HDAC3: variants seen among roughly 807,000 people sequenced by gnomAD.
HDAC3 encodes histone deacetylase 3.
HDAC3 carries 21 observed loss-of-function variants against 62.3 expected under a neutral mutation model. The observed-to-expected ratio is 0.34, with a 90% CI of 0.24 to 0.49. The LOEUF (loss-of-function observed/expected upper bound fraction) is 0.49, where lower values mean the gene tolerates loss of function less well. Among genes scored for constraint, HDAC3 ranks in the 20% least tolerant of loss-of-function variants. The pLI is 0.99. For synonymous variants in HDAC3, 198 were observed against 206.5 expected (o/e 0.96, Z 0.35); for missense variants, 270 against 556.9 (o/e 0.48, Z 5.19).
At chr5:141,622,345 C>A (rs2099903824) in intron 14 of HDAC3, among the ~76,000 whole-genome samples, 1 of 152,202 alleles carries the variant, frequency 6.6e-6, no homozygotes, top group South Asian at 2.1e-4. Flanking sequence ...GTAGCTCACA[C>A]CTGTAATCCC....
chr5:141,633,650 A>G (rs572013722), intron 3 of HDAC3, among the ~76,000 whole-genome samples: 1 of 152,022 alleles, frequency 6.6e-6, no homozygotes, highest in South Asian at 2.1e-4. Context: ...ACATAGTGAA[A>G]CCCCATCTCT....
rs754703910 is a variant in HDAC3 at position 141,636,822 on chromosome 5, C to T, written c.-32G>A. 1.4e-6 allele frequency: 2 copies of T among 1,480,788 alleles called. No individual in the cohort carries two copies. Among genetic ancestry groups the T allele is most frequent in the African/African-American group, 1.5e-5 (1 of 68,192 alleles). The allele number at this position is 1,480,788 out of a possible 1,614,324, so 91.7% of individuals were successfully genotyped here. A position where few individuals can be genotyped will look rare whatever the true frequency, so the allele number is the denominator to read the frequency against. On this transcript the variant is annotated 5_prime_UTR_variant, in exon 1 of 15. Transcript: ENST00000305264. ...GGCGGGAGCAGGCCCCGCACCTCCG[C>T]CGCCCGCCGCCCGCGGCCGCCGCCA...
chr5:141,632,117 G>A (rs980563525), intron 3 of HDAC3, among the ~76,000 whole-genome samples: 72 of 152,170 alleles, frequency 4.7e-4, no homozygotes, highest in African/African-American at 1.7e-3. Context: ...TCCAACTCCC[G>A]GGTTCAAGCA....
intron 10 of HDAC3, among the ~76,000 whole-genome samples, chr5:141,627,500 C>T (rs1209480720): frequency 2.6e-5 from 4 of 152,160 alleles, no homozygotes; most frequent in South Asian, 2.1e-4. Flanking sequence ...AAAAACTTTC[C>T]GAAACCATGC....
At chr5:141,624,396 A>G (rs1244204532) in intron 14 of HDAC3, among the ~76,000 whole-genome samples, 1 of 143,886 alleles carries the variant, frequency 6.9e-6, no homozygotes, top group African/African-American at 2.6e-5. Context: ...AAAAAAAAAA[A>G]AAAAAAAAAA....
chr5:141,630,501 T>A (rs947276513), intron 3 of HDAC3, among the ~76,000 whole-genome samples: 1 of 152,218 alleles, frequency 6.6e-6, no homozygotes, highest in African/African-American at 2.4e-5. Context: ...TTCAATAATA[T>A]TTTTCAGTCA....
At chr5:141,622,137 C>T (rs1183568873) in intron 14 of HDAC3, among the ~76,000 whole-genome samples, 1 of 152,170 alleles carries the variant, frequency 6.6e-6, no homozygotes, top group African/African-American at 2.4e-5. Context: ...GGCTAGCATG[C>T]AGGACCTTTT....
chr5:141,635,587 G>A (rs921914123), intron 2 of HDAC3, among the ~76,000 whole-genome samples: 3 of 152,202 alleles, frequency 2.0e-5, no homozygotes, highest in Non-Finnish European at 4.4e-5. Flanking sequence ...AGTTTCCCTA[G>A]CAACACATAA....
Position 141,629,403 on chromosome 5 carries a change from G to T in HDAC3, c.477-97C>A. The T allele has an allele frequency of 6.5e-7, 1 of 1,534,996 alleles. No homozygotes were observed. Among genetic ancestry groups the T allele is most frequent in the Non-Finnish European group, 8.9e-7 (1 of 1,120,680 alleles). The stretch of plus-strand genomic sequence containing the variant: ...CTCGAATTGTGAAGAGTCTGCTTCT[G>T]CCCTGGTCACCTGAAACTTAATGTC... On this transcript the variant is annotated intron_variant, in intron 6 of 14. Coordinates refer to ENST00000305264, the MANE Select transcript of HDAC3 (RefSeq NM_003883.4). This position sits in a 1 kb window ranked among gnomAD's most constrained non-coding sequence, Gnocchi z 5.3.
Position 141,625,342 on chromosome 5 carries a change from T to C in HDAC3, c.1083A>G (p.Thr361=). 2 of 1,614,160 alleles carry C rather than the reference T, an allele frequency of 1.2e-6. No individual in the cohort carries two copies. Among genetic ancestry groups the C allele is most frequent in the Non-Finnish European group, 1.7e-6 (2 of 1,180,032 alleles). Residue 361 remains threonine (T), a synonymous_variant, in exon 14 of 15, where the codon ACA becomes ACG. Transcript: ENST00000305264. The surrounding 1 kb of genome is among the most constrained non-coding windows in gnomAD (Gnocchi z 4.0). Reference sequence around the variant, plus strand: ...TCAGCATCTTCAGGTTTTCAAAGATTGTCTGGCGGATCTGGTCCAGATACT... The same window carrying C: ...TCAGCATCTTCAGGTTTTCAAAGATCGTCTGGCGGATCTGGTCCAGATACT... ...SRQYLDQIRQ[T]IFENLKMLNH... is the part of the protein sequence containing the mutation.
chr5:141,622,467 G>A (rs530455772), intron 14 of HDAC3, among the ~76,000 whole-genome samples: 2 of 152,124 alleles, frequency 1.3e-5, no homozygotes, highest in Non-Finnish European at 2.9e-5. Context: ...AGCCGGGTGT[G>A]GTGGCACATG....
intron 1 of HDAC3, 51 bp downstream of exon 1, chr5:141,636,685 G>A (rs765595159): frequency 1.9e-6 from 3 of 1,612,340 alleles, no homozygotes; most frequent in Non-Finnish European, 2.5e-6. Flanking sequence ...TTGCAACCCC[G>A]CCTCAAAACC....
chr5:141,634,149 G>GT (rs982596906), intron 3 of HDAC3, among the ~76,000 whole-genome samples: 5 of 151,684 alleles, frequency 3.3e-5, no homozygotes, highest in African/African-American at 4.8e-5. Flanking sequence ...TGTTTTTTTT[G>GT]TTTTTTTAAC....
chr5:141,631,058 A>G (rs899258402), intron 3 of HDAC3, among the ~76,000 whole-genome samples: 2 of 152,134 alleles, frequency 1.3e-5, no homozygotes, highest in Admixed American at 1.3e-4. Flanking sequence ...TACTGTATGC[A>G]AGTTATACCT....
At position 141,625,578 on chromosome 5, in the gene HDAC3, G is replaced by T; in HGVS notation, c.1059+107C>A. 1 of 1,216,298 alleles carries T rather than the reference G, an allele frequency of 8.2e-7. No homozygotes were observed. Among genetic ancestry groups the T allele is most frequent in the Non-Finnish European group, 1.2e-6 (1 of 827,676 alleles). The allele number at this position is 1,216,298 out of a possible 1,614,324, so 75.3% of individuals were successfully genotyped here. On this transcript the variant is annotated intron_variant, in intron 13 of 14. Coordinates refer to ENST00000305264, the MANE Select transcript of HDAC3 (RefSeq NM_003883.4). This position sits in a 1 kb window ranked among gnomAD's most constrained non-coding sequence, Gnocchi z 4.0. ...CTAGTCAATAACAGTGACTGTGATG[G>T]CTTAGAACTTCCTTCTCTTTGGTTT...
rs1562375699 is a variant in HDAC3 at position 141,636,782 on chromosome 5, C to A, written c.9G>T (p.Lys3Asn). The stretch of plus-strand genomic sequence containing the variant: ...CGGGGTCGTAGAAATAGGCCACGGT[C>A]TTGGCCATGGTGCCGGCGGGAGCAG... MAKTVAYFYDPDV... is the reference protein window; with the variant it reads MANTVAYFYDPDV... The change falls in exon 1 of 15, where the codon AAG becomes AAT. Residue 3 changes from lysine to asparagine, a missense_variant. Transcript: ENST00000305264. 2.5e-6 allele frequency: 4 copies of A among 1,611,776 alleles called. No individual in the cohort carries two copies. The highest frequency in any genetic ancestry group is 3.4e-6 in the Non-Finnish European group (4 of 1,178,718).
In HDAC3 at chr5:141,630,030, C is replaced by T. The variant is rs758570157; in HGVS notation, c.363+14G>A. On this transcript the variant is annotated intron_variant, in intron 4 of 14. Transcript: ENST00000305264. ...TCCAGAGGAAAGGAAGAACAGGACT[C>T]GGGACTATGTCACCTTGTTGTTCAG... 21 of 1,614,050 alleles carry T rather than the reference C, an allele frequency of 1.3e-5. No homozygotes were observed. The highest frequency in any genetic ancestry group is 1.6e-5 in the Non-Finnish European group (19 of 1,179,894).
In HDAC3 at chr5:141,625,625, A is replaced by G. The variant is rs2099904330; in HGVS notation, c.1059+60T>C. 7 of 1,512,458 alleles carry G rather than the reference A, an allele frequency of 4.6e-6. No individual in the cohort carries two copies. The highest frequency in any genetic ancestry group is 2.2e-5 in the South Asian group (2 of 88,930). The allele number at this position is 1,512,458 out of a possible 1,614,324, so 93.7% of individuals were successfully genotyped here. ...GTTTTTCCTACTTCCCACATCTTTG[A>G]CCTCTCCTGGGCTCCACCTTTCAGG... On this transcript the variant is annotated intron_variant, in intron 13 of 14. Transcript: ENST00000305264. The surrounding 1 kb of genome is among the most constrained non-coding windows in gnomAD (Gnocchi z 4.0).
intron 10 of HDAC3, among the ~76,000 whole-genome samples, chr5:141,627,106 C>T (rs985597137): frequency 6.6e-6 from 1 of 152,190 alleles, no homozygotes; most frequent in Non-Finnish European, 1.5e-5. Context: ...GCTTCTCGGA[C>T]CTCACCTCAA....
Sources: allele counts gnomAD v4.1 joint callset (sites outside exome capture counted in the v4.1 genomes callset), GRCh38; gene constraint gnomAD v4.1.1; non-coding constraint Gnocchi (gnomAD v3.1); transcripts MANE v1.5; gene names NCBI Gene and HGNC (gene_info 2026-07-23, HGNC 2026-07-21).